PIK3R3: variants seen among roughly 807,000 people sequenced by gnomAD.
PIK3R3 encodes the protein phosphatidylinositol 3-kinase regulatory subunit gamma.
In PIK3R3, 64 loss-of-function variants were observed where a neutral mutation model predicts 62.9. The observed-to-expected ratio is 1.02, with a 90% confidence interval of 0.83 to 1.25. The LOEUF is 1.25. PIK3R3 is among the 50% of genes most tolerant of loss of function. The probability of loss-of-function intolerance (pLI) is 0.00; values close to 1 mark genes in which losing one functional copy is unlikely to be tolerated. For synonymous variants in PIK3R3, 165 were observed against 189.0 expected (o/e 0.87, Z 1.04); for missense variants, 614 against 561.6 (o/e 1.09, Z -0.94).
At chr1:46,091,483 T>TACACAC (rs111759714) in intron 1 of PIK3R3, among the ~76,000 whole-genome samples, 36 of 149,726 alleles carry the variant, frequency 2.4e-4, no homozygotes, top group African/African-American at 8.1e-4. Flanking sequence ...CACACACACA[T>TACACAC]ACACACACAC....
At chr1:46,121,858 G>A (rs77881576) in intron 1 of PIK3R3, among the ~76,000 whole-genome samples, 8,115 of 152,076 alleles carry the variant, frequency 0.053, 317 homozygotes, top group Middle Eastern at 0.085. Flanking sequence ...TCATAGGGCA[G>A]TTTTCATACT....
chr1:46,080,890 T>A, intron 1 of PIK3R3, 140 bp from the exon 2 acceptor site: 1 of 596,012 alleles, frequency 1.7e-6, no homozygotes. Context: ...TGTTAAATGT[T>A]AGCAACAGAA....
chr1:46,171,361 G>A, the PIK3R3 span, among the ~76,000 whole-genome samples: 2 of 152,212 alleles, frequency 1.3e-5, no homozygotes, highest in East Asian at 3.8e-4. Context: ...GGTCCAGGGA[G>A]AGAAAGTTTT....
the PIK3R3 span, among the ~76,000 whole-genome samples, chr1:46,163,706 T>C: frequency 1.3e-5 from 2 of 152,146 alleles, no homozygotes; most frequent in Non-Finnish European, 2.9e-5. Context: ...CCCTGCCCTC[T>C]TAGAGCAGAT....
At chr1:46,096,411 A>G (rs1652128572) in intron 1 of PIK3R3, among the ~76,000 whole-genome samples, 1 of 152,200 alleles carries the variant, frequency 6.6e-6, no homozygotes, top group Non-Finnish European at 1.5e-5. Context: ...GGACTTTTAT[A>G]TTCAGCCATC....
chr1:46,083,374 C>T (rs1021634128), intron 1 of PIK3R3, among the ~76,000 whole-genome samples: 17 of 151,872 alleles, frequency 1.1e-4, no homozygotes, highest in African/African-American at 4.1e-4. Context: ...CTGAAAATAA[C>T]AAACAAGAAA....
At chr1:46,048,311 C>T (rs1291640090) in intron 7 of PIK3R3, 1 of 152,188 alleles carries the variant, frequency 6.6e-6, no homozygotes, top group Non-Finnish European at 1.5e-5. Context: ...GGCATCACAC[C>T]TAATTTTAAA....
At chr1:46,079,073 T>C (rs1650338931) in intron 2 of PIK3R3, among the ~76,000 whole-genome samples, 1 of 150,370 alleles carries the variant, frequency 6.7e-6, no homozygotes, top group African/African-American at 2.4e-5. Context: ...ACAATGCAAA[T>C]GTACTCTTAA....
At chr1:46,105,046 T>C in intron 1 of PIK3R3, 2 of 744,416 alleles carry the variant, frequency 2.7e-6, no homozygotes, top group Non-Finnish European at 5.0e-6. Flanking sequence ...ACAAATACAG[T>C]AATGCTGTAT....
chr1:46,096,717 T>C (rs1419364388), intron 1 of PIK3R3, among the ~76,000 whole-genome samples: 1 of 151,158 alleles, frequency 6.6e-6, no homozygotes, highest in Non-Finnish European at 1.5e-5. Flanking sequence ...GCCAACATGG[T>C]GAAATCCCAG....
At chr1:46,067,554 A>G (rs1477455857) in intron 3 of PIK3R3, among the ~76,000 whole-genome samples, 1 of 152,144 alleles carries the variant, frequency 6.6e-6, no homozygotes, top group African/African-American at 2.4e-5. Flanking sequence ...TATGAAGGGA[A>G]TGATAAACAT....
chr1:46,045,861 T>C (rs1647101421), intron 9 of PIK3R3, 57 bp downstream of exon 9: 3 of 1,469,702 alleles, frequency 2.0e-6, no homozygotes, highest in Non-Finnish European at 2.8e-6. Context: ...GAGGGGTTGA[T>C]TTTATAATAA....
the PIK3R3 span, among the ~76,000 whole-genome samples, chr1:46,153,894 A>G: frequency 2.0e-5 from 3 of 152,244 alleles, no homozygotes; most frequent in South Asian, 6.2e-4. Context: ...GGCAATAAAG[A>G]AAATCATCTG....
At chr1:46,143,490 C>A in the PIK3R3 span, among the ~76,000 whole-genome samples, 57 of 152,158 alleles carry the variant, frequency 3.7e-4, no homozygotes, top group South Asian at 8.3e-4. Context: ...GTCGCCCAGG[C>A]TGGAGTGCAG....
At chr1:46,160,164 A>T in the PIK3R3 span, among the ~76,000 whole-genome samples, 1 of 152,184 alleles carries the variant, frequency 6.6e-6, no homozygotes, top group Non-Finnish European at 1.5e-5. Context: ...CTTCCAGTTT[A>T]TGAGAAAACA....
At chr1:46,110,569 A>G (rs1653652524) in intron 1 of PIK3R3, among the ~76,000 whole-genome samples, 1 of 152,032 alleles carries the variant, frequency 6.6e-6, no homozygotes, top group Non-Finnish European at 1.5e-5. Context: ...CTTCTAATCT[A>G]AAGTTTAGTG....
At chr1:46,106,861 T>C (rs888781573) in intron 1 of PIK3R3, among the ~76,000 whole-genome samples, 11 of 152,148 alleles carry the variant, frequency 7.2e-5, no homozygotes, top group African/African-American at 2.6e-4. Flanking sequence ...CTGCAACCTC[T>C]GCCGCCTGGG....
At position 46,129,599 on chromosome 1, in the gene PIK3R3, G is replaced by A. The variant is rs558340152; in HGVS notation, c.106+2248C>T. Among the ~76,000 whole-genome samples the A allele has an allele frequency of 2.0e-4, 31 of 152,138 alleles. No individual in the cohort carries two copies. In the East Asian group the frequency reaches 5.4e-3, roughly 27 times the overall value. ...TACGCTATCACAGCAGTCCAGGAAGGAAATAATAAGAGCTTGATGTGGGGT... is the reference window on the plus strand; with the variant it reads ...TACGCTATCACAGCAGTCCAGGAAGAAAATAATAAGAGCTTGATGTGGGGT... On this transcript the variant is annotated intron_variant, in intron 1 of 9. Transcript: ENST00000262741.
intron 1 of PIK3R3, among the ~76,000 whole-genome samples, chr1:46,104,106 T>C (rs1395016981): frequency 1.3e-5 from 2 of 152,062 alleles, no homozygotes; most frequent in East Asian, 3.9e-4. Context: ...TTTTGTATTT[T>C]TAGTAGAGGC....
Sources: gnomAD v4.1 joint callset for allele counts (sites outside exome capture counted in the v4.1 genomes callset) on GRCh38, gnomAD v4.1.1 for gene constraint, MANE v1.5 for transcripts, NCBI Gene and HGNC (gene_info 2026-07-23, HGNC 2026-07-21) for gene names.